Variants in HORMAD2 observed in about 807,000 individuals in gnomAD.
The protein encoded by HORMAD2 is HORMA domain-containing protein 2.
Under a neutral mutation model 38.8 loss-of-function variants are expected in HORMAD2, and 45 were observed. The observed-to-expected ratio is 1.16, with a 90% CI of 0.91 to 1.49. The LOEUF (loss-of-function observed/expected upper bound fraction) is 1.49, where lower values mean the gene tolerates loss of function less well. Among genes scored for constraint, HORMAD2 ranks in the 40% most tolerant of loss-of-function variants. HORMAD2 has a pLI of 0.00. For synonymous variants in HORMAD2, 126 were observed against 122.8 expected (o/e 1.03, Z -0.17); for missense variants, 338 against 367.0 (o/e 0.92, Z 0.65).
intron 2 of HORMAD2, among the ~76,000 whole-genome samples, chr22:30,098,140 C>T (rs1325073185): frequency 1.3e-5 from 2 of 152,034 alleles, no homozygotes; most frequent in Non-Finnish European, 2.9e-5. Context: ...TGCAGATGTT[C>T]AGGAAATAAA....
rs563586521 is a variant in HORMAD2 at position 30,093,920 on chromosome 22, G to A, written c.-33G>A. 52 of 1,505,326 alleles carry A rather than the reference G, an allele frequency of 3.5e-5. No homozygotes were observed. In the East Asian group the frequency reaches 1.1e-3, roughly 31 times the overall value. 93.2% of individuals were successfully genotyped at this position (1,505,326 alleles called of 1,614,324 possible). A position where few individuals can be genotyped will look rare whatever the true frequency, so the allele number is the denominator to read the frequency against. On this transcript the variant is annotated 5_prime_UTR_variant, in exon 2 of 11. Coordinates refer to ENST00000336726, the MANE Select transcript of HORMAD2 (RefSeq NM_152510.4). The stretch of plus-strand genomic sequence containing the variant: ...TAATTAATTATTTTTTAATAGGTTG[G>A]ACTTGTTGAAATAATCCTGATACAT...
At chr22:30,191,040 G>A in the HORMAD2 span, among the ~76,000 whole-genome samples, 1 of 152,144 alleles carries the variant, frequency 6.6e-6, no homozygotes, top group African/African-American at 2.4e-5. Flanking sequence ...GAGAAACAAG[G>A]GAGGAGAGGC....
chr22:30,164,559 G>A (rs1471278313), intron 10 of HORMAD2, among the ~76,000 whole-genome samples: 1 of 152,136 alleles, frequency 6.6e-6, no homozygotes, highest in African/African-American at 2.4e-5. Context: ...GTGATATTGA[G>A]CATCTTTTCA....
intron 8 of HORMAD2, among the ~76,000 whole-genome samples, chr22:30,121,101 A>G (rs1267258023): frequency 6.6e-6 from 1 of 152,216 alleles, no homozygotes; most frequent in Non-Finnish European, 1.5e-5. Context: ...GACAAGAAGG[A>G]AAGCAGGAAA....
chr22:30,154,847 C>A (rs1038836266), intron 10 of HORMAD2, among the ~76,000 whole-genome samples: 1 of 152,090 alleles, frequency 6.6e-6, no homozygotes, highest in African/African-American at 2.4e-5. Context: ...GCAGAAGGAT[C>A]ACCTGAGGCC....
chr22:30,113,341 A>G (rs1424626319), intron 7 of HORMAD2, among the ~76,000 whole-genome samples: 1 of 151,828 alleles, frequency 6.6e-6, no homozygotes, highest in African/African-American at 2.4e-5. Flanking sequence ...CAGCCTCCTG[A>G]GTAGCTGGGA....
At position 30,112,488 on chromosome 22, in the gene HORMAD2, T is replaced by A; in HGVS notation, c.316-8T>A. On this transcript the variant is annotated splice_region_variant and splice_polypyrimidine_tract_variant and intron_variant, in intron 6 of 10. Transcript: ENST00000336726. The stretch of plus-strand genomic sequence containing the variant: ...GAAATTAAATGATGTTTATTTTCCC[T>A]TATACAGCTTTACACAGATCCCATG... The A allele has an allele frequency of 1.4e-6, 2 of 1,395,574 alleles. No homozygotes were observed. Among genetic ancestry groups the A allele is most frequent in the Non-Finnish European group, 1.9e-6 (2 of 1,034,076 alleles). 86.4% of individuals were successfully genotyped at this position (1,395,574 alleles called of 1,614,324 possible).
rs200475379 is a variant in HORMAD2, at chr22:30,118,750, A to G, written c.343-230A>G. The stretch of plus-strand genomic sequence containing the variant: ...GTGATTTTGTTTTTCCAGCTTTAAA[A>G]TGGTAATAATAGTATCTTTCATCTA... On this transcript the variant is annotated intron_variant, in intron 7 of 10. Coordinates refer to ENST00000336726, the MANE Select transcript of HORMAD2 (RefSeq NM_152510.4). Among the ~76,000 whole-genome samples the G allele has an allele frequency of 2.4e-4, 36 of 152,298 alleles. No individual in the cohort carries two copies. The East Asian group carries it at 4.0e-3, about 17-fold the overall frequency.
chr22:30,102,195 T>C lies in HORMAD2; in HGVS notation c.194-1242T>C, dbSNP rs9620947. Among the ~76,000 whole-genome samples the C allele has an allele frequency of 6.7e-3, 1,018 of 152,376 alleles. 12 individuals carry two copies. Among genetic ancestry groups the C allele is most frequent in the African/African-American group, 0.023 (944 of 41,592 alleles). ...TTATGACATCTTTTGGTCTATGAGA[T>C]ACAAACTTGTAATAGTGAATGTGTT... On this transcript the variant is annotated intron_variant, in intron 3 of 10. Coordinates refer to ENST00000336726, the MANE Select transcript of HORMAD2 (RefSeq NM_152510.4).
chr22:30,130,383 T>C (rs1166747743), intron 10 of HORMAD2, among the ~76,000 whole-genome samples: 1 of 152,138 alleles, frequency 6.6e-6, no homozygotes, highest in Non-Finnish European at 1.5e-5. Context: ...AAAGCACATA[T>C]GCTTGAAACT....
At chr22:30,179,204 A>C (rs1350761044), downstream of HORMAD2, among the ~76,000 whole-genome samples, 6 of 152,240 alleles carry the variant, frequency 3.9e-5, no homozygotes, top group East Asian at 9.6e-4. Context: ...CTCAGTTATA[A>C]TCATCATCAT....
chr22:30,144,174 T>C (rs1924266409), intron 10 of HORMAD2, among the ~76,000 whole-genome samples: 1 of 152,218 alleles, frequency 6.6e-6, no homozygotes, highest in African/African-American at 2.4e-5. Context: ...TAATTGCTGG[T>C]GATTGCTCCA....
intron 5 of HORMAD2, among the ~76,000 whole-genome samples, chr22:30,108,557 G>A (rs550985293): frequency 3.3e-5 from 5 of 151,964 alleles, no homozygotes; most frequent in South Asian, 4.2e-4. Flanking sequence ...TACTTCCCTA[G>A]GGAAGTAAAT....
chr22:30,080,082 C>G (rs1483844323), upstream of HORMAD2: 1 of 152,382 alleles, frequency 6.6e-6, no homozygotes, highest in Non-Finnish European at 1.5e-5. Flanking sequence ...ACCCGCCGGC[C>G]TGGCGTCCTG....
intron 1 of HORMAD2, among the ~76,000 whole-genome samples, chr22:30,092,345 CTTT>C (rs34673975): frequency 2.8e-5 from 3 of 107,936 alleles, no homozygotes; most frequent in Non-Finnish European, 3.7e-5. Context: ...AGATCCTTTG[CTTT>C]TTTTTTTTTT....
chr22:30,104,969 G>T (rs9625919), intron 5 of HORMAD2: 32,242 of 152,800 alleles, frequency 0.21, 3,920 homozygotes, highest in Middle Eastern at 0.38. Context: ...AGCTATGAAG[G>T]GTGTACAAAA....
Position 30,092,043 on chromosome 22 carries a change from ATT to A in HORMAD2, c.-37-1856_-37-1855del, listed in dbSNP as rs34639591. On this transcript the variant is annotated intron_variant, in intron 1 of 10. Transcript: ENST00000336726. Reference sequence around the variant, plus strand: ...AGGTGCATGCCACCACACCTGGCTAATTTTTTTTTTTTTTTTTTGTATTTTTA... The same window carrying A: ...AGGTGCATGCCACCACACCTGGCTAATTTTTTTTTTTTTTTTGTATTTTTA... 3.3e-3 allele frequency among the ~76,000 whole-genome samples: 449 copies of A among 135,024 alleles called. 1 individual carries two copies. The highest frequency in any genetic ancestry group is 9.5e-3 in the African/African-American group (348 of 36,606). The allele number at this position is 135,024 out of a possible 152,430, so 88.6% of individuals were successfully genotyped here.
At chr22:30,156,420 C>T (rs1198866548) in intron 10 of HORMAD2, among the ~76,000 whole-genome samples, 2 of 152,086 alleles carry the variant, frequency 1.3e-5, no homozygotes, top group Non-Finnish European at 2.9e-5. Context: ...GAACACCTAA[C>T]CTAAATGAAT....
intron 3 of HORMAD2, among the ~76,000 whole-genome samples, chr22:30,102,871 CCTT>C (rs1301985897): frequency 6.6e-6 from 1 of 152,164 alleles, no homozygotes; most frequent in Non-Finnish European, 1.5e-5. Flanking sequence ...CTCAAGCAAT[CCTT>C]CTGCCTCAGC....
Sources: allele counts gnomAD v4.1 joint callset (sites outside exome capture counted in the v4.1 genomes callset), GRCh38; gene constraint gnomAD v4.1.1; transcripts MANE v1.5; gene names NCBI Gene and HGNC (gene_info 2026-07-23, HGNC 2026-07-21).